Variants in VWDE observed in about 807,000 individuals in gnomAD.
VWDE encodes the protein von Willebrand factor D and EGF domain-containing protein.
Under a neutral mutation model 178.4 loss-of-function variants are expected in VWDE, and 207 were observed. That is an observed-to-expected ratio of 1.16 (90% CI 1.04 to 1.30). VWDE has a LOEUF of 1.30. Among genes scored for constraint, VWDE ranks in the 50% most tolerant of loss-of-function variants. The probability of loss-of-function intolerance (pLI) is 0.00; values close to 1 mark genes in which losing one functional copy is unlikely to be tolerated. For missense variants in VWDE, 2,287 were observed against 1,901.3 expected (o/e 1.20, Z -3.77); for synonymous variants, 738 against 651.4 (o/e 1.13, Z -2.02).
intron 19 of VWDE, among the ~76,000 whole-genome samples, chr7:12,345,101 T>C (rs1781531356): frequency 6.6e-6 from 1 of 152,106 alleles, no homozygotes; most frequent in Admixed American, 6.6e-5. Flanking sequence ...TACAAAATGT[T>C]TCCACAGACC....
chr7:12,387,889 G>C (rs62448591), intron 3 of VWDE, among the ~76,000 whole-genome samples: 1 of 152,016 alleles, frequency 6.6e-6, no homozygotes, highest in African/African-American at 2.4e-5. Flanking sequence ...TTCACAAAAA[G>C]GTCGCAAAAA....
At chr7:12,342,360 G>A (rs181431051) in intron 22 of VWDE, among the ~76,000 whole-genome samples, 96 of 151,872 alleles carry the variant, frequency 6.3e-4, no homozygotes, top group African/African-American at 2.2e-3. Context: ...TAATAGAGAG[G>A]GAAAAAATAG....
chr7:12,354,172 A>G (rs1782096223), intron 18 of VWDE: 2 of 254,034 alleles, frequency 7.9e-6, no homozygotes, highest in South Asian at 8.4e-5. Context: ...GTTACACTCT[A>G]CCTATTAAGT....
chr7:12,348,774 C>T (rs898057727), intron 19 of VWDE, among the ~76,000 whole-genome samples: 1 of 151,136 alleles, frequency 6.6e-6, no homozygotes, highest in African/African-American at 2.4e-5. Flanking sequence ...GACACATGCA[C>T]ATGTATGTTT....
intron 5 of VWDE, among the ~76,000 whole-genome samples, chr7:12,380,053 G>C (rs1281173188): frequency 6.6e-6 from 1 of 151,348 alleles, no homozygotes; most frequent in South Asian, 2.1e-4. Context: ...AGCAACCTCC[G>C]AGATCGCGCC....
At chr7:12,401,306 A>G (rs1334729274) in intron 1 of VWDE, among the ~76,000 whole-genome samples, 2 of 152,186 alleles carry the variant, frequency 1.3e-5, no homozygotes, top group East Asian at 1.9e-4. Flanking sequence ...CTAAGGAATC[A>G]ACTAAAAAAA....
chr7:12,362,979 G>C (rs552604449), intron 13 of VWDE, among the ~76,000 whole-genome samples: 2 of 151,956 alleles, frequency 1.3e-5, no homozygotes, highest in Non-Finnish European at 2.9e-5. Flanking sequence ...CTATTTCAAG[G>C]GGCCTACCCA....
At chr7:12,381,688 A>C (rs1240832182) in intron 4 of VWDE, among the ~76,000 whole-genome samples, 1 of 152,010 alleles carries the variant, frequency 6.6e-6, no homozygotes, top group Non-Finnish European at 1.5e-5. Context: ...ATTAGACCAA[A>C]TCAGTATATT....
chr7:12,343,208 G>C, intron 21 of VWDE, 30 bp from the exon 22 acceptor site: 2 of 1,484,482 alleles, frequency 1.3e-6, no homozygotes, highest in Non-Finnish European at 1.8e-6. Context: ...TATTATGTCA[G>C]TTCTTAATTT....
At chr7:12,341,916 A>T in intron 23 of VWDE, 143 bp downstream of exon 23, 1 of 572,972 alleles carries the variant, frequency 1.7e-6, no homozygotes, top group Non-Finnish European at 3.0e-6. Flanking sequence ...AAAGAGTTTT[A>T]AAAATCTGTC....
At chr7:12,337,642 A>C (rs1781117623) in intron 24 of VWDE, among the ~76,000 whole-genome samples, 1 of 152,186 alleles carries the variant, frequency 6.6e-6, no homozygotes, top group Non-Finnish European at 1.5e-5. Flanking sequence ...GTTCTTGTGG[A>C]AATTAGACAA....
chr7:12,359,826 G>GT (rs1782476395), intron 15 of VWDE, 134 bp from the exon 16 acceptor site: 1 of 545,084 alleles, frequency 1.8e-6, no homozygotes, highest in Non-Finnish European at 3.3e-6. Flanking sequence ...CTTCATAATC[G>GT]TAAGTGCATA....
At chr7:12,367,824 G>T (rs1782946207) in intron 12 of VWDE, among the ~76,000 whole-genome samples, 1 of 152,034 alleles carries the variant, frequency 6.6e-6, no homozygotes, top group Non-Finnish European at 1.5e-5. Flanking sequence ...TTGCCATTTT[G>T]GCTTGTGCCA....
chr7:12,335,364 A>G (rs73290491), intron 27 of VWDE, among the ~76,000 whole-genome samples: 2,839 of 152,316 alleles, frequency 0.019, 83 homozygotes, highest in African/African-American at 0.064. Flanking sequence ...AGAAATTTAT[A>G]ACTAATACTG....
chr7:12,347,582 T>G (rs191120993), intron 19 of VWDE, among the ~76,000 whole-genome samples: 1 of 152,158 alleles, frequency 6.6e-6, no homozygotes, highest in East Asian at 1.9e-4. Flanking sequence ...CTCAGAAATA[T>G]ATCTCAACAT....
chr7:12,374,384 G>A (rs919514215), intron 9 of VWDE, among the ~76,000 whole-genome samples: 8 of 151,896 alleles, frequency 5.3e-5, no homozygotes, highest in Non-Finnish European at 1.2e-4. Flanking sequence ...AACATCTTTA[G>A]AGTAAATAAT....
In VWDE at chr7:12,373,023, G is replaced by T; in HGVS notation, c.1541C>A (p.Thr514Asn). 1 of 1,551,050 alleles carries T rather than the reference G, an allele frequency of 6.4e-7. No homozygotes were observed. ...PYLFIKSQDV[T>N]RNIKISESYL... ...AGATTCACTTATCTTGATATTCCTG[G>T]TTACATCTTGGCTTTTTATGAACAA... Residue 514 changes from threonine (T) to asparagine (N), a missense_variant, in exon 10 of 29, where the codon ACC (threonine) becomes AAC (asparagine). Transcript: ENST00000275358.
intron 1 of VWDE, among the ~76,000 whole-genome samples, chr7:12,394,062 G>T (rs1784515292): frequency 6.6e-6 from 1 of 152,128 alleles, no homozygotes; most frequent in African/African-American, 2.4e-5. Flanking sequence ...ACAACCAATA[G>T]AGCTGGCTGC....
chr7:12,401,588 G>T (rs1019333193), intron 1 of VWDE, among the ~76,000 whole-genome samples: 8 of 152,184 alleles, frequency 5.3e-5, no homozygotes, highest in African/African-American at 1.9e-4. Flanking sequence ...AAACTACAAT[G>T]AAATACCACT....
Sources: allele counts gnomAD v4.1 joint callset (sites outside exome capture counted in the v4.1 genomes callset), GRCh38; gene constraint gnomAD v4.1.1; transcripts MANE v1.5; gene names NCBI Gene and HGNC (gene_info 2026-07-23, HGNC 2026-07-21).